Variants in CYFIP2 observed in about 807,000 individuals in gnomAD.
CYFIP2 encodes cytoplasmic FMR1 interacting protein 2, also known as cytoplasmic FMR1-interacting protein 2.
Under a neutral mutation model 158.7 loss-of-function variants are expected in CYFIP2, and 29 were observed. The ratio of observed to expected loss-of-function variants is 0.18; its 90% CI spans 0.14 to 0.25. The LOEUF (loss-of-function observed/expected upper bound fraction) is 0.25. Ranked by LOEUF, CYFIP2 falls within the 10% of genes least tolerant of loss-of-function variation. The pLI is 1.00. For missense variants in CYFIP2, 852 were observed against 1,639.5 expected (o/e 0.52, Z 8.29); for synonymous variants, 585 against 617.6 (o/e 0.95, Z 0.78).
chr5:157,352,702 TC>T (rs528675304), intron 23 of CYFIP2, among the ~76,000 whole-genome samples: 19 of 152,340 alleles, frequency 1.2e-4, no homozygotes, highest in African/African-American at 4.6e-4. Flanking sequence ...TGAGAATGTT[TC>T]CCAAAGACAT....
intron 7 of CYFIP2, among the ~76,000 whole-genome samples, chr5:157,303,381 T>C (rs753762657): frequency 6.6e-5 from 10 of 152,216 alleles, no homozygotes; most frequent in Non-Finnish European, 1.0e-4. Context: ...TAGGAAGACA[T>C]AGCTGTTATT....
chr5:157,312,883 T>C (rs1759853787), intron 11 of CYFIP2, among the ~76,000 whole-genome samples: 1 of 152,222 alleles, frequency 6.6e-6, no homozygotes, highest in Non-Finnish European at 1.5e-5. Flanking sequence ...TTTTAATATT[T>C]TATTTCTTTT....
intron 26 of CYFIP2, chr5:157,377,032 G>A (rs1765550457): frequency 2.7e-6 from 1 of 373,632 alleles, no homozygotes; most frequent in East Asian, 8.1e-5. Context: ...CCCGCCCTCA[G>A]GTCCAGTCAT....
intron 27 of CYFIP2, 100 bp downstream of exon 27, chr5:157,382,762 G>T: frequency 7.9e-7 from 1 of 1,257,890 alleles, no homozygotes; most frequent in Non-Finnish European, 1.1e-6. Flanking sequence ...AAGGGGGAAG[G>T]TTAAAGCTTT....
At chr5:157,386,380 G>A (rs528613396) in intron 28 of CYFIP2, among the ~76,000 whole-genome samples, 2 of 152,010 alleles carry the variant, frequency 1.3e-5, no homozygotes, top group East Asian at 1.9e-4. Context: ...ACCATACCTG[G>A]ATAATTTTTT....
At chr5:157,343,076 T>A in intron 23 of CYFIP2, 1 of 1,613,800 alleles carries the variant, frequency 6.2e-7, no homozygotes, top group South Asian at 1.1e-5. Context: ...CCCATTGGCC[T>A]CCTCCATGTG....
At chr5:157,383,780 G>T (rs998341292) in intron 28 of CYFIP2, among the ~76,000 whole-genome samples, 2 of 152,120 alleles carry the variant, frequency 1.3e-5, no homozygotes, top group Admixed American at 1.3e-4. Flanking sequence ...GCAAAAACTA[G>T]AAACAACCCA....
At position 157,269,908 on chromosome 5, in the gene CYFIP2, T is replaced by C. The variant is rs145052861; in HGVS notation, c.-24+3713T>C. The stretch of plus-strand genomic sequence containing the variant: ...AGCTTAGATATTGGCTTTCTAGCCA[T>C]GGGCATTATGCTAAGGGCTGTGTGT... On this transcript the variant is annotated intron_variant, in intron 1 of 30. Transcript: ENST00000620254. 2.4e-3 allele frequency among the ~76,000 whole-genome samples: 360 copies of C among 152,302 alleles called. 1 individual carries two copies. The highest frequency in any genetic ancestry group is 8.4e-3 in the African/African-American group (348 of 41,560).
intron 1 of CYFIP2, among the ~76,000 whole-genome samples, chr5:157,283,358 G>A (rs1257087109): frequency 1.3e-5 from 2 of 152,186 alleles, no homozygotes; most frequent in Non-Finnish European, 2.9e-5. Context: ...TTTGGAGGTT[G>A]AAGATCATTA....
chr5:157,300,533 C>CAA (rs72316432), intron 5 of CYFIP2, among the ~76,000 whole-genome samples, 182 bp from the exon 6 acceptor site: 1 of 121,216 alleles, frequency 8.2e-6, no homozygotes, highest in Non-Finnish European at 1.7e-5. Flanking sequence ...GACTCCGTCT[C>CAA]AAAAAAAAAA....
rs996098975 is a variant in CYFIP2 at position 157,361,411 on chromosome 5, C to T, written c.2909-57C>T. ...GGGCTGCCACTCAGTCATTGTTTCC[C>T]ATAGACCCTACTGAGCAGTGTCAAC... On this transcript the variant is annotated intron_variant, in intron 25 of 30. Coordinates refer to ENST00000620254, the MANE Select transcript of CYFIP2 (RefSeq NM_001037333.3). This position sits in a 1 kb window ranked among gnomAD's most constrained non-coding sequence, Gnocchi z 4.4. 4.3e-6 allele frequency: 7 copies of T among 1,610,150 alleles called. No individual in the cohort carries two copies. The African/African-American group carries it at 9.4e-5, about 22-fold the overall frequency.
In CYFIP2 at chr5:157,307,121, GA is replaced by G. The variant is rs1298647050; in HGVS notation, c.796-639del. Among the ~76,000 whole-genome samples, 5 of 152,320 alleles carry G rather than the reference GA, an allele frequency of 3.3e-5. No homozygotes were observed. In the East Asian group the frequency reaches 9.6e-4, roughly 29 times the overall value. On this transcript the variant is annotated intron_variant, in intron 8 of 30. Coordinates refer to ENST00000620254, the MANE Select transcript of CYFIP2 (RefSeq NM_001037333.3). ...GGAATCAAGAATGTCAACCTACTCA[GA>G]GGGCAAATTCAGGAAGAGATTTTTT...
chr5:157,389,475 T>C, intron 29 of CYFIP2, 48 bp downstream of exon 29: 1 of 1,469,308 alleles, frequency 6.8e-7, no homozygotes, highest in Non-Finnish European at 9.1e-7. Context: ...CTGCCTGTGC[T>C]CCTGCAAGTC....
At position 157,324,008 on chromosome 5, in the gene CYFIP2, A is replaced by G. The variant is rs1760813038; in HGVS notation, c.1759A>G (p.Ile587Val). Residue 587 changes from isoleucine (I) to valine (V), a missense_variant, in exon 16 of 31, where the codon ATT becomes GTT. Transcript: ENST00000620254. ...KTLRSSLDGPIVLAIEDFHKQ... is the reference protein window; with the variant it reads ...KTLRSSLDGPVVLAIEDFHKQ... ...CCTGAGGAGCAGCCTGGATGGACCC[A>G]TTGTCCTCGCCATAGAGGACTTTCA... 6.2e-7 allele frequency: 1 copy of G among 1,613,592 alleles called. No homozygotes were observed. Among genetic ancestry groups the G allele is most frequent in the Non-Finnish European group, 8.5e-7 (1 of 1,179,748 alleles).
chr5:157,369,748 C>G (rs1235169876), intron 26 of CYFIP2, among the ~76,000 whole-genome samples: 1 of 152,156 alleles, frequency 6.6e-6, no homozygotes, highest in Non-Finnish European at 1.5e-5. Flanking sequence ...CGCCAAGCAC[C>G]AGGGAGGCAG....
chr5:157,304,497 G>A, intron 8 of CYFIP2, 131 bp downstream of exon 8: 1 of 1,079,214 alleles, frequency 9.3e-7, no homozygotes, highest in Non-Finnish European at 1.3e-6. Context: ...GGCACATAAT[G>A]GTTTGTAACC....
intron 5 of CYFIP2, among the ~76,000 whole-genome samples, chr5:157,298,376 G>A (rs1758424955): frequency 6.6e-6 from 1 of 152,006 alleles, no homozygotes; most frequent in Admixed American, 6.6e-5. Flanking sequence ...CTGTCGCTCA[G>A]GCTGGAGTGC....
intron 5 of CYFIP2, among the ~76,000 whole-genome samples, chr5:157,299,438 G>A (rs1758553341): frequency 6.6e-6 from 1 of 152,130 alleles, no homozygotes; most frequent in Non-Finnish European, 1.5e-5. Context: ...TCCTCTTTCA[G>A]CTTCTTTTCC....
At chr5:157,376,827 C>T (rs777618170) in intron 26 of CYFIP2, 13 of 452,362 alleles carry the variant, frequency 2.9e-5, no homozygotes, top group South Asian at 1.4e-4. Flanking sequence ...CTCAGATCTA[C>T]TCTGCAGACT....
Sources: gnomAD v4.1 joint callset for allele counts (sites outside exome capture counted in the v4.1 genomes callset) on GRCh38, gnomAD v4.1.1 for gene constraint, Gnocchi (gnomAD v3.1) non-coding constraint, MANE v1.5 for transcripts, NCBI Gene and HGNC (gene_info 2026-07-23, HGNC 2026-07-21) for gene names.